Variants in ASB1 observed in about 807,000 individuals in gnomAD.
ASB1 encodes ankyrin repeat and SOCS box protein 1.
In ASB1, 18 loss-of-function variants were observed where a neutral mutation model predicts 27.7. That is an observed-to-expected ratio of 0.65 (90% CI 0.45 to 0.96). The LOEUF is 0.96. Ranked by LOEUF, ASB1 falls within the 50% of genes least tolerant of loss-of-function variation. ASB1 has a pLI of 0.00. For synonymous variants in ASB1, 189 were observed against 187.6 expected (o/e 1.01, Z -0.06); for missense variants, 397 against 451.7 (o/e 0.88, Z 1.10).
intron 3 of ASB1, among the ~76,000 whole-genome samples, chr2:238,443,778 G>A (rs1702124104): frequency 6.6e-6 from 1 of 150,650 alleles, no homozygotes; most frequent in African/African-American, 2.5e-5. Flanking sequence ...GATAATCAGA[G>A]GATTTCCCCC....
At chr2:238,431,001 TAA>T (rs1374378063) in intron 1 of ASB1, among the ~76,000 whole-genome samples, 1 of 152,238 alleles carries the variant, frequency 6.6e-6, no homozygotes, top group African/African-American at 2.4e-5. Context: ...GACTTCCACT[TAA>T]AGTCACCAGC....
chr2:238,448,839 CT>C lies in ASB1; in HGVS notation c.*2329del, dbSNP rs1219157590. Reference sequence around the variant, plus strand: ...TTTTGGAGGGACCAGGTCACTGCCCCTGGTCTCTCTAGGAGGAGTGGACTGA... The same window carrying C: ...TTTTGGAGGGACCAGGTCACTGCCCCGGTCTCTCTAGGAGGAGTGGACTGA... On this transcript the variant is annotated 3_prime_UTR_variant, in exon 5 of 5. Transcript: ENST00000264607. 3 of 152,360 alleles carry C rather than the reference CT, an allele frequency of 2.0e-5. No homozygotes were observed. The highest frequency in any genetic ancestry group is 1.9e-4 in the East Asian group (1 of 5,190). The allele number at this position is 152,360 out of a possible 1,614,324, so 9.4% of individuals were successfully genotyped here.
chr2:238,442,514 A>G (rs900113820), intron 3 of ASB1, among the ~76,000 whole-genome samples: 11 of 151,946 alleles, frequency 7.2e-5, no homozygotes, highest in East Asian at 1.9e-4. Flanking sequence ...CCAATTTTTC[A>G]TTGCTTGTTT....
rs1702132082 is a variant in ASB1, at chr2:238,444,216, A to G, written c.495-126A>G. 5 of 1,020,488 alleles carry G rather than the reference A, an allele frequency of 4.9e-6. No individual in the cohort carries two copies. The Admixed American group carries it at 8.0e-5, about 16-fold the overall frequency. 63.2% of individuals were successfully genotyped at this position (1,020,488 alleles called of 1,614,324 possible). On this transcript the variant is annotated intron_variant, in intron 3 of 4. Transcript: ENST00000264607. ...AGCTATCTGATCTGTGGAGTCTCCT[A>G]CAGCGCCTGGTGTCACTGAATCAAG...
intron 3 of ASB1, among the ~76,000 whole-genome samples, chr2:238,443,537 A>G (rs749846863): frequency 1.2e-4 from 18 of 152,102 alleles, no homozygotes; most frequent in Non-Finnish European, 2.6e-4. Flanking sequence ...TACCTTTAAC[A>G]CCAGTGTTCA....
chr2:238,436,097 C>A (rs970002039), intron 3 of ASB1, 84 bp downstream of exon 3: 10 of 1,359,246 alleles, frequency 7.4e-6, no homozygotes, highest in Non-Finnish European at 8.8e-6. Flanking sequence ...CTTTAGAATT[C>A]GGCTCTTTAG....
At chr2:238,432,610 C>CT (rs954595289) in intron 1 of ASB1, among the ~76,000 whole-genome samples, 4 of 152,140 alleles carry the variant, frequency 2.6e-5, no homozygotes, top group Non-Finnish European at 5.9e-5. Flanking sequence ...TGCCGTATGT[C>CT]TTTTTTGTAG....
chr2:238,433,578 G>C lies in ASB1; in HGVS notation c.74G>C (p.Arg25Thr). Reference sequence around the variant, plus strand: ...GGTCGTAATCTGAAGGAGTGGCTGAGGGAGCAATTTTGTGATCATCCGCTG... The same window carrying C: ...GGTCGTAATCTGAAGGAGTGGCTGACGGAGCAATTTTGTGATCATCCGCTG... ...SAGRNLKEWLREQFCDHPLEH... is the reference protein window; with the variant it reads ...SAGRNLKEWLTEQFCDHPLEH... The change falls in exon 2 of 5, where the codon AGG becomes ACG. Residue 25 changes from arginine (R) to threonine (T), a missense_variant. Physicochemically the swap from Arg to Thr is moderately conservative, Grantham distance 71. Transcript: ENST00000264607. 2.5e-6 allele frequency: 4 copies of C among 1,614,188 alleles called. No homozygotes were observed. Among genetic ancestry groups the C allele is most frequent in the Non-Finnish European group, 3.4e-6 (4 of 1,180,030 alleles).
rs773729306 is a variant in ASB1, at chr2:238,444,618, A to G, written c.771A>G (p.Val257=). 6.2e-7 allele frequency: 1 copy of G among 1,614,200 alleles called. No individual in the cohort carries two copies. The highest frequency in any genetic ancestry group is 1.1e-5 in the South Asian group (1 of 91,088). The change falls in exon 4 of 5, where the codon GTA becomes GTG. Residue 257 remains valine, a synonymous_variant. Coordinates refer to ENST00000264607, the MANE Select transcript of ASB1 (RefSeq NM_001040445.3). The stretch of plus-strand genomic sequence containing the variant: ...AGGCAGCCTTCGTGAGCCTGCTGGT[A>G]GAATTTGGAGCCAACCTGAATCTAG... ...GCEAAFVSLL[V]EFGANLNLVK... is the part of the protein sequence containing the mutation.
At chr2:238,444,869 G>GTTCAGAT in intron 4 of ASB1, 142 bp downstream of exon 4, 1 of 883,474 alleles carries the variant, frequency 1.1e-6, no homozygotes, top group South Asian at 2.0e-5. Context: ...CCAGATGGTT[G>GTTCAGAT]TTCAGATTGA....
In ASB1 at chr2:238,435,999, G is replaced by C. The variant is rs778383826; in HGVS notation, c.480G>C (p.Leu160=). 11 of 1,612,080 alleles carry C rather than the reference G, an allele frequency of 6.8e-6. No individual in the cohort carries two copies. Among genetic ancestry groups the C allele is most frequent in the Middle Eastern group, 1.6e-4 (1 of 6,080 alleles). Residue 160 remains leucine (L), a synonymous_variant, in exon 3 of 5, where the codon CTG becomes CTC. Transcript: ENST00000264607. ...HASRVGRADI[L]KALIRYGADV... ...CTCGCGTGGGCCGGGCAGACATCCT[G>C]AAGGCCCTCATCAGGCCAGTACTGT... is the stretch of plus-strand genomic sequence containing the variant.
chr2:238,444,051 CT>C, intron 3 of ASB1, among the ~76,000 whole-genome samples: 1 of 152,310 alleles, frequency 6.6e-6, no homozygotes, highest in Non-Finnish European at 1.5e-5. Flanking sequence ...AGTTTCTCTT[CT>C]TTTTCTTTGC....
chr2:238,444,435 G>C lies in ASB1; in HGVS notation c.588G>C (p.Leu196Phe). ...RRLTSLVVCP[L>F]YISAAYHNLQ... Reference sequence around the variant, plus strand: ...TCACCTCCTTGGTGGTCTGCCCCTTGTACATCAGCGCAGCCTACCACAACC... The same window carrying C: ...TCACCTCCTTGGTGGTCTGCCCCTTCTACATCAGCGCAGCCTACCACAACC... The change falls in exon 4 of 5, where the codon TTG becomes TTC. Residue 196 changes from leucine to phenylalanine, a missense_variant. By Grantham distance (22) the Leu-to-Phe change is conservative. Coordinates refer to ENST00000264607, the MANE Select transcript of ASB1 (RefSeq NM_001040445.3). 1 of 1,614,142 alleles carries C rather than the reference G, an allele frequency of 6.2e-7. No individual in the cohort carries two copies. Among genetic ancestry groups the C allele is most frequent in the Middle Eastern group, 1.6e-4 (1 of 6,062 alleles).
Position 238,439,478 on chromosome 2 carries a change from C to T in ASB1, c.494+3465C>T, listed in dbSNP as rs185435849. Among the ~76,000 whole-genome samples the T allele has an allele frequency of 4.6e-5, 7 of 152,268 alleles. 1 individual carries two copies. Among genetic ancestry groups the T allele is most frequent in the South Asian group, 4.1e-4 (2 of 4,820 alleles). ...GCTGCTGGCCTTACCTGTTGGCGAG[C>T]GCTGTGATTGCGGCATGGAAGGTGA... On this transcript the variant is annotated intron_variant, in intron 3 of 4. Coordinates refer to ENST00000264607, the MANE Select transcript of ASB1 (RefSeq NM_001040445.3).
intron 2 of ASB1, 41 bp downstream of exon 2, chr2:238,433,736 C>T (rs1701915240): frequency 5.0e-6 from 8 of 1,607,810 alleles, no homozygotes; most frequent in Non-Finnish European, 6.8e-6. Context: ...TACTAGGGCC[C>T]TGAAGGTCTG....
chr2:238,433,531 A>G (rs1701909046), intron 1 of ASB1, 23 bp from the exon 2 acceptor site: 1 of 1,612,868 alleles, frequency 6.2e-7, no homozygotes, highest in South Asian at 1.1e-5. Flanking sequence ...ATGAGCTAAC[A>G]GGAGCCCCTC....
chr2:238,445,380 A>C (rs544722731), intron 4 of ASB1, among the ~76,000 whole-genome samples: 1 of 152,190 alleles, frequency 6.6e-6, no homozygotes, highest in Non-Finnish European at 1.5e-5. Flanking sequence ...CCTTAAAACA[A>C]ATTGCAAGCG....
chr2:238,445,127 G>A (rs987043712), intron 4 of ASB1, among the ~76,000 whole-genome samples: 1 of 151,688 alleles, frequency 6.6e-6, no homozygotes, highest in African/African-American at 2.4e-5. Flanking sequence ...GACTGTAGGT[G>A]CACACCATGC....
chr2:238,439,614 G>C (rs1409325786), intron 3 of ASB1, among the ~76,000 whole-genome samples: 1 of 152,168 alleles, frequency 6.6e-6, no homozygotes, highest in Non-Finnish European at 1.5e-5. Flanking sequence ...CGAATCTTGT[G>C]AGACATTGTG....
Sources: allele counts gnomAD v4.1 joint callset (sites outside exome capture counted in the v4.1 genomes callset), GRCh38; gene constraint gnomAD v4.1.1; transcripts MANE v1.5; gene names NCBI Gene and HGNC (gene_info 2026-07-23, HGNC 2026-07-21).